The following PCDHA3 variants were observed in gnomAD, a reference collection of about 807,000 sequenced individuals.
The protein encoded by PCDHA3 is protocadherin alpha 3, also known as protocadherin alpha-3.
Under a neutral mutation model 62.2 loss-of-function variants are expected in PCDHA3, and 41 were observed. The ratio of observed to expected loss-of-function variants is 0.66; its 90% confidence interval spans 0.51 to 0.86. The LOEUF is 0.86. PCDHA3 is among the 40% of genes least tolerant of loss of function. PCDHA3 has a pLI of 0.00. For synonymous variants in PCDHA3, 640 were observed against 555.4 expected (o/e 1.15, Z -2.14); for missense variants, 1,304 against 1,241.2 (o/e 1.05, Z -0.76).
At chr5:140,927,094 G>C (rs555838945) in intron 1 of PCDHA3, 4 of 1,612,890 alleles carry the variant, frequency 2.5e-6, no homozygotes. Context: ...CTACTTCGGG[G>C]TGGATCTACC....
intron 1 of PCDHA3, among the ~76,000 whole-genome samples, chr5:140,960,137 T>C (rs2095528767): frequency 6.6e-6 from 1 of 152,232 alleles, no homozygotes; most frequent in African/African-American, 2.4e-5. Flanking sequence ...AATACTTAGA[T>C]ATTAATAGCT....
chr5:140,978,140 T>C (rs1379052059), intron 1 of PCDHA3, among the ~76,000 whole-genome samples: 2 of 152,222 alleles, frequency 1.3e-5, no homozygotes, highest in Non-Finnish European at 2.9e-5. Flanking sequence ...ATTTTCCTCT[T>C]TGTTCTCCCC....
At chr5:140,923,217 ATCGTTTGAG>A (rs2081234922) in intron 1 of PCDHA3, among the ~76,000 whole-genome samples, 1 of 135,418 alleles carries the variant, frequency 7.4e-6, no homozygotes, top group Admixed American at 7.5e-5. Flanking sequence ...AGGTGAAAGG[ATCGTTTGAG>A]CCCAGAAGTT....
chr5:140,869,014 T>C (rs929309556), intron 1 of PCDHA3: 5 of 1,524,414 alleles, frequency 3.3e-6, no homozygotes, highest in Admixed American at 2.2e-5. Flanking sequence ...TGAAACTTCT[T>C]AAGAATTCAA....
intron 1 of PCDHA3, chr5:140,829,383 G>A: frequency 3.7e-6 from 6 of 1,614,186 alleles, no homozygotes; most frequent in East Asian, 2.2e-5. Context: ...CGGGACGGGG[G>A]CTCGCCTTCG....
At chr5:140,893,666 C>T (rs2064116335) in intron 1 of PCDHA3, among the ~76,000 whole-genome samples, 1 of 152,160 alleles carries the variant, frequency 6.6e-6, no homozygotes, top group African/African-American at 2.4e-5. Flanking sequence ...TAAAAAATTT[C>T]AGCACTTTGG....
At chr5:140,948,665 A>T (rs2094288381) in intron 1 of PCDHA3, among the ~76,000 whole-genome samples, 1 of 151,668 alleles carries the variant, frequency 6.6e-6, no homozygotes. Flanking sequence ...ATCTGTAGTG[A>T]TAACATCTTT....
chr5:140,925,596 T>G (rs1218423622), intron 1 of PCDHA3, among the ~76,000 whole-genome samples: 1 of 151,466 alleles, frequency 6.6e-6, no homozygotes, highest in Admixed American at 6.6e-5. Context: ...TGTATACATA[T>G]GTAACAAACC....
chr5:140,829,496 C>T lies in PCDHA3; in HGVS notation c.2394+25905C>T, dbSNP rs2150168834. 4.3e-6 allele frequency: 7 copies of T among 1,613,648 alleles called. No homozygotes were observed. The Admixed American group carries it at 1.2e-4, about 27-fold the overall frequency. ...CACAGTGTTCGTGAAGGAGAACAACCCGCCGGGCTGCCACATCTTCACGGT... is the reference window on the plus strand; with the variant it reads ...CACAGTGTTCGTGAAGGAGAACAACTCGCCGGGCTGCCACATCTTCACGGT... On this transcript the variant is annotated intron_variant, in intron 1 of 3. Coordinates refer to ENST00000522353, the MANE Select transcript of PCDHA3 (RefSeq NM_018906.3).
At chr5:140,863,741 G>T in intron 1 of PCDHA3, 1 of 249,706 alleles carries the variant, frequency 4.0e-6, no homozygotes, top group East Asian at 1.0e-4. Context: ...ATGCCTATTT[G>T]TAATCCCGGC....
At chr5:140,868,885 TA>T in intron 1 of PCDHA3, 1 of 733,950 alleles carries the variant, frequency 1.4e-6, no homozygotes, top group East Asian at 2.8e-5. Flanking sequence ...CTCACAGTTT[TA>T]GGCGCAAGGT....
In PCDHA3 at chr5:141,011,530, T is replaced by C. The variant is rs1427621980; in HGVS notation, c.*1593T>C. 7 of 153,810 alleles carry C rather than the reference T, an allele frequency of 4.6e-5. No individual in the cohort carries two copies. The highest frequency in any genetic ancestry group is 1.7e-4 in the African/African-American group (7 of 41,470). The allele number at this position is 153,810 out of a possible 1,614,324, so 9.5% of individuals were successfully genotyped here. Reference sequence around the variant, plus strand: ...TGGAGTAGTGTTTTTTTAACCATTGTTAATCAGCTTTTGTGTATGAAAGAC... The same window carrying C: ...TGGAGTAGTGTTTTTTTAACCATTGCTAATCAGCTTTTGTGTATGAAAGAC... On this transcript the variant is annotated 3_prime_UTR_variant, in exon 4 of 4. Transcript: ENST00000522353.
At chr5:140,903,567 G>T (rs1554191019) in intron 1 of PCDHA3, among the ~76,000 whole-genome samples, 1 of 152,170 alleles carries the variant, frequency 6.6e-6, no homozygotes, top group African/African-American at 2.4e-5. Flanking sequence ...GTGGAATTGG[G>T]AGCTGTCTAG....
At chr5:140,853,308 C>T in intron 1 of PCDHA3, 1 of 983,184 alleles carries the variant, frequency 1.0e-6, no homozygotes, top group Non-Finnish European at 1.2e-6. Context: ...CTGTGAACAC[C>T]TTAGTAATAA....
chr5:140,852,681 T>A, intron 1 of PCDHA3: 1 of 968,122 alleles, frequency 1.0e-6, no homozygotes, highest in Non-Finnish European at 1.2e-6. Context: ...TCACCTTGAA[T>A]ATAGTCTTAT....
intron 1 of PCDHA3, chr5:140,863,128 C>G (rs555226712): frequency 3.3e-6 from 2 of 598,142 alleles, no homozygotes; most frequent in East Asian, 8.9e-5. Context: ...TACGCGCCAC[C>G]GCCTGCTGGT....
intron 1 of PCDHA3, among the ~76,000 whole-genome samples, chr5:140,931,244 T>C (rs1161128281): frequency 6.6e-6 from 1 of 152,168 alleles, no homozygotes; most frequent in Non-Finnish European, 1.5e-5. Context: ...ACACTTTTCC[T>C]ACCAAGAAAT....
At chr5:140,827,915 C>A in intron 1 of PCDHA3, 1 of 875,402 alleles carries the variant, frequency 1.1e-6, no homozygotes, top group Non-Finnish European at 1.8e-6. Flanking sequence ...CATGATGTCG[C>A]TGTCTACCAT....
intron 1 of PCDHA3, chr5:140,807,555 T>C (rs1554124077): frequency 3.7e-6 from 6 of 1,613,804 alleles, no homozygotes; most frequent in Non-Finnish European, 5.1e-6. Flanking sequence ...GACGTGGAGG[T>C]GAGGGACATT....
Sources: gnomAD v4.1 joint callset for allele counts (sites outside exome capture counted in the v4.1 genomes callset) on GRCh38, gnomAD v4.1.1 for gene constraint, MANE v1.5 for transcripts, NCBI Gene and HGNC (gene_info 2026-07-23, HGNC 2026-07-21) for gene names.